The following LRRTM4 variants were observed in gnomAD, a reference collection of about 807,000 sequenced individuals.
The protein encoded by LRRTM4 is leucine rich repeat transmembrane neuronal 4, also known as leucine-rich repeat transmembrane neuronal protein 4.
Under a neutral mutation model 47.6 loss-of-function variants are expected in LRRTM4, and 25 were observed. The observed-to-expected ratio is 0.53, with a 90% CI of 0.38 to 0.73. The LOEUF (loss-of-function observed/expected upper bound fraction) is 0.73, where lower values mean the gene tolerates loss of function less well. Among genes scored for constraint, LRRTM4 ranks in the 30% least tolerant of loss-of-function variants. The pLI is 0.00. For synonymous variants in LRRTM4, 311 were observed against 269.5 expected (o/e 1.15, Z -1.51); for missense variants, 638 against 713.4 (o/e 0.89, Z 1.20).
chr2:77,279,925 TG>T (rs1399580590), intron 3 of LRRTM4, among the ~76,000 whole-genome samples: 6 of 151,730 alleles, frequency 4.0e-5, no homozygotes, highest in Admixed American at 4.0e-4. Context: ...ACATAGAAAA[TG>T]AGTTATAAGG....
At chr2:76,900,530 A>T (rs1030401880) in intron 3 of LRRTM4, among the ~76,000 whole-genome samples, 2 of 152,124 alleles carry the variant, frequency 1.3e-5, no homozygotes, top group Non-Finnish European at 2.9e-5. Flanking sequence ...CCAAAGCATA[A>T]AATAGTTCCT....
chr2:77,431,783 T>G (rs1321099118), intron 3 of LRRTM4, among the ~76,000 whole-genome samples: 2 of 148,672 alleles, frequency 1.3e-5, no homozygotes, highest in African/African-American at 2.6e-5. Context: ...AACTAAGAAA[T>G]TGGTAATTGG....
chr2:77,309,598 C>T (rs1038096061), intron 3 of LRRTM4, among the ~76,000 whole-genome samples: 3 of 151,862 alleles, frequency 2.0e-5, no homozygotes, highest in Non-Finnish European at 2.9e-5. Flanking sequence ...GAAAGCTAGC[C>T]CCCTGGGATA....
At chr2:77,271,329 C>G (rs905192134) in intron 3 of LRRTM4, among the ~76,000 whole-genome samples, 5 of 152,144 alleles carry the variant, frequency 3.3e-5, no homozygotes, top group African/African-American at 9.7e-5. Flanking sequence ...CACCATCTAT[C>G]GGACTGCAGA....
At chr2:77,358,740 T>C (rs1394037561) in intron 3 of LRRTM4, among the ~76,000 whole-genome samples, 1 of 152,178 alleles carries the variant, frequency 6.6e-6, no homozygotes, top group Non-Finnish European at 1.5e-5. Context: ...ACCTTATGGC[T>C]TCGGTAACAG....
At chr2:77,393,352 T>C (rs558057014) in intron 3 of LRRTM4, among the ~76,000 whole-genome samples, 61 of 152,052 alleles carry the variant, frequency 4.0e-4, no homozygotes, top group African/African-American at 1.4e-3. Flanking sequence ...ACAACTGTTA[T>C]AAAGTGCTAA....
intron 3 of LRRTM4, among the ~76,000 whole-genome samples, chr2:77,496,920 T>C (rs2104063911): frequency 6.6e-6 from 1 of 151,906 alleles, no homozygotes; most frequent in Non-Finnish European, 1.5e-5. Flanking sequence ...TGTTGCCACC[T>C]ACACCTAGAT....
intron 3 of LRRTM4, among the ~76,000 whole-genome samples, chr2:77,332,504 G>A (rs915328504): frequency 2.6e-5 from 4 of 152,162 alleles, no homozygotes; most frequent in African/African-American, 9.7e-5. Flanking sequence ...AATTGGTCAT[G>A]AGGATTTCTT....
intron 3 of LRRTM4, among the ~76,000 whole-genome samples, chr2:77,435,611 G>C (rs1413555650): frequency 6.6e-6 from 1 of 152,106 alleles, no homozygotes; most frequent in African/African-American, 2.4e-5. Context: ...ACCTTTCATA[G>C]GCTTTGATGT....
intron 3 of LRRTM4, among the ~76,000 whole-genome samples, chr2:77,049,941 T>C (rs921083125): frequency 6.6e-6 from 1 of 152,082 alleles, no homozygotes; most frequent in Admixed American, 6.6e-5. Context: ...TTAGAGATGA[T>C]TTAAAAAGCA....
rs1435375422 is a variant in LRRTM4, at chr2:76,932,806, AATT to A, written c.1552-183893_1552-183891del. Reference sequence around the variant, plus strand: ...GAGAGGAAAATACTTACTCTAAAGAAATTAATTTGAAATGATGTGTTCTTTTTT... The same window carrying A: ...GAGAGGAAAATACTTACTCTAAAGAAAATTTGAAATGATGTGTTCTTTTTT... On this transcript the variant is annotated intron_variant, in intron 3 of 3. Coordinates refer to ENST00000409884, the MANE Select transcript of LRRTM4 (RefSeq NM_001134745.3). Among the ~76,000 whole-genome samples the A allele has an allele frequency of 1.1e-4, 16 of 152,196 alleles. 1 individual carries two copies. The South Asian group carries it at 3.1e-3, about 30-fold the overall frequency.
chr2:77,428,589 G>T (rs1197879912), intron 3 of LRRTM4, among the ~76,000 whole-genome samples: 1 of 152,180 alleles, frequency 6.6e-6, no homozygotes, highest in African/African-American at 2.4e-5. Flanking sequence ...TTTTTAAAAG[G>T]TTCACATTTT....
At chr2:76,889,300 G>A (rs930882140) in intron 3 of LRRTM4, among the ~76,000 whole-genome samples, 1 of 151,842 alleles carries the variant, frequency 6.6e-6, no homozygotes, top group South Asian at 2.1e-4. Flanking sequence ...AGGCAGCTTT[G>A]ATTGAGAAGC....
intron 3 of LRRTM4, among the ~76,000 whole-genome samples, chr2:76,758,069 G>A (rs1174420680): frequency 1.3e-5 from 2 of 152,086 alleles, no homozygotes; most frequent in Non-Finnish European, 2.9e-5. Context: ...ATGAATTTGT[G>A]TAGTCTTCAA....
At chr2:77,086,174 A>G (rs752106998) in intron 3 of LRRTM4, among the ~76,000 whole-genome samples, 9 of 152,162 alleles carry the variant, frequency 5.9e-5, no homozygotes, top group Non-Finnish European at 1.3e-4. Flanking sequence ...TGTTCTACAC[A>G]CTTATACTAA....
intron 3 of LRRTM4, among the ~76,000 whole-genome samples, chr2:76,767,878 C>T (rs113938240): frequency 0.013 from 1,994 of 152,226 alleles, 42 homozygotes; most frequent in African/African-American, 0.045. Context: ...GTCAGAATGA[C>T]ACGCAAACCA....
intron 3 of LRRTM4, among the ~76,000 whole-genome samples, chr2:76,908,030 G>C (rs1428496805): frequency 1.3e-5 from 2 of 151,616 alleles, no homozygotes; most frequent in South Asian, 2.1e-4. Context: ...GCTGGGCAGA[G>C]ACACAGCCAA....
chr2:77,173,155 C>T (rs1673102789), intron 3 of LRRTM4, among the ~76,000 whole-genome samples: 1 of 151,864 alleles, frequency 6.6e-6, no homozygotes, highest in African/African-American at 2.4e-5. Flanking sequence ...GTAAATAAAC[C>T]CAGGGATTAG....
At chr2:77,092,540 GC>G (rs905383754) in intron 3 of LRRTM4, among the ~76,000 whole-genome samples, 1 of 136,538 alleles carries the variant, frequency 7.3e-6, no homozygotes. Flanking sequence ...GATTATTCAG[GC>G]CCCCTCCTTT....
Sources: allele counts gnomAD v4.1 joint callset (sites outside exome capture counted in the v4.1 genomes callset), GRCh38; gene constraint gnomAD v4.1.1; transcripts MANE v1.5; gene names NCBI Gene and HGNC (gene_info 2026-07-23, HGNC 2026-07-21).